The following BAZ2A variants were observed in gnomAD, a reference collection of about 807,000 sequenced individuals.
BAZ2A encodes the protein bromodomain adjacent to zinc finger domain 2A.
Under a neutral mutation model 199.9 loss-of-function variants are expected in BAZ2A, and 34 were observed. The ratio of observed to expected loss-of-function variants is 0.17; its 90% confidence interval spans 0.13 to 0.23. The LOEUF is 0.23. Ranked by LOEUF, BAZ2A falls within the 10% of genes least tolerant of loss-of-function variation. BAZ2A has a pLI of 1.00. For missense variants in BAZ2A, 2,002 were observed against 2,391.1 expected (o/e 0.84, Z 3.39); for synonymous variants, 857 against 883.9 (o/e 0.97, Z 0.54).
At chr12:56,630,668 A>G, upstream of BAZ2A, 1 of 701,104 alleles carries the variant, frequency 1.4e-6, no homozygotes, top group Non-Finnish European at 1.8e-6. Context: ...TTTCGGGGGC[A>G]GTTATTTCCC....
Position 56,596,002 on chromosome 12 carries a change from A to C in BAZ2A, c.*2616T>G, listed in dbSNP as rs1159382005. ...TCTACAGCTGCACTTGTGGAACATC[A>C]CATGGCAAAAACAGGAGTTTTTTCG... On this transcript the variant is annotated 3_prime_UTR_variant, in exon 29 of 29. Coordinates refer to ENST00000549884, the MANE Select transcript of BAZ2A (RefSeq NM_001300905.2). 4.6e-5 allele frequency: 7 copies of C among 152,708 alleles called. No individual in the cohort carries two copies. The highest frequency in any genetic ancestry group is 1.0e-4 in the Non-Finnish European group (7 of 68,056). The allele number at this position is 152,708 out of a possible 1,614,324, so 9.5% of individuals were successfully genotyped here.
At chr12:56,609,387 C>A (rs1369625637) in intron 10 of BAZ2A, among the ~76,000 whole-genome samples, 1 of 152,080 alleles carries the variant, frequency 6.6e-6, no homozygotes, top group Non-Finnish European at 1.5e-5. Context: ...TCTGAACCTC[C>A]ATGATAGTAG....
intron 1 of BAZ2A, among the ~76,000 whole-genome samples, chr12:56,626,211 G>A (rs531970147): frequency 6.6e-6 from 1 of 152,158 alleles, no homozygotes; most frequent in South Asian, 2.1e-4. Flanking sequence ...TATATATAAG[G>A]CATATGAGGA....
At chr12:56,625,817 A>C (rs1259452183) in intron 1 of BAZ2A, among the ~76,000 whole-genome samples, 1 of 140,984 alleles carries the variant, frequency 7.1e-6, no homozygotes, top group Non-Finnish European at 1.5e-5. Flanking sequence ...CGGAGCTTGC[A>C]GTGAGTCGAG....
At chr12:56,625,648 C>T (rs1257878209) in intron 1 of BAZ2A, among the ~76,000 whole-genome samples, 1 of 151,642 alleles carries the variant, frequency 6.6e-6, no homozygotes, top group Non-Finnish European at 1.5e-5. Flanking sequence ...GAGGCCGAGA[C>T]GGGCGGATCA....
intron 11 of BAZ2A, 55 bp downstream of exon 11, chr12:56,606,578 G>A (rs951456203): frequency 3.3e-5 from 49 of 1,500,340 alleles, no homozygotes; most frequent in Admixed American, 1.0e-4. Flanking sequence ...AATAAAAGAT[G>A]AAGTAAGTTG....
chr12:56,610,910 A>G (rs7307578), intron 7 of BAZ2A, among the ~76,000 whole-genome samples: 10,475 of 152,170 alleles, frequency 0.069, 922 homozygotes, highest in African/African-American at 0.2. Flanking sequence ...AGAAAAATAA[A>G]TTTGCTGCTG....
Position 56,615,005 on chromosome 12 carries a change from C to A in BAZ2A, c.730+9G>T. 6.2e-7 allele frequency: 1 copy of A among 1,607,502 alleles called. No individual in the cohort carries two copies. Among genetic ancestry groups the A allele is most frequent in the South Asian group, 1.1e-5 (1 of 89,574 alleles). ...CCTTTCCCCACCCAGTTCACCAACC[C>A]AGTTATACCTGGCTGCTCTTCTTCC... On this transcript the variant is annotated intron_variant, in intron 3 of 28. Coordinates refer to ENST00000549884, the MANE Select transcript of BAZ2A (RefSeq NM_001300905.2).
At chr12:56,637,692 C>T (rs147566446), upstream of BAZ2A, among the ~76,000 whole-genome samples, 16 of 151,524 alleles carry the variant, frequency 1.1e-4, no homozygotes, top group East Asian at 1.6e-3. Flanking sequence ...ATTTCTAAAA[C>T]GAGTTTTTCC....
chr12:56,609,596 C>T (rs944603368), intron 10 of BAZ2A, 140 bp downstream of exon 10: 6 of 997,632 alleles, frequency 6.0e-6, no homozygotes, highest in Admixed American at 2.4e-5. Context: ...ATGCTGGATT[C>T]CAAGGAGAAG....
intron 3 of BAZ2A, 40 bp downstream of exon 3, chr12:56,614,974 A>T: frequency 6.4e-7 from 1 of 1,561,296 alleles, no homozygotes; most frequent in South Asian, 1.2e-5. Context: ...CCCGAGCTCC[A>T]TTTTTCCTTT....
In BAZ2A at chr12:56,615,482, C is replaced by A. The variant is rs750317652; in HGVS notation, c.262G>T (p.Asp88Tyr). 1 of 1,613,102 alleles carries A rather than the reference C, an allele frequency of 6.2e-7. No individual in the cohort carries two copies. The highest frequency in any genetic ancestry group is 1.1e-5 in the South Asian group (1 of 91,054). The change falls in exon 3 of 29, where the codon GAC becomes TAC. Residue 88 changes from aspartate (D) to tyrosine (Y), a missense_variant. Coordinates refer to ENST00000549884, the MANE Select transcript of BAZ2A (RefSeq NM_001300905.2). ...SHLHHPSVAY[D>Y]CLWNYSQYPS... ...TACTGTGAGTAGTTCCAGAGACAGTCGTAGGCCACGCTGGGGTGATGGAGG... is the reference window on the plus strand; with the variant it reads ...TACTGTGAGTAGTTCCAGAGACAGTAGTAGGCCACGCTGGGGTGATGGAGG...
Position 56,598,524 on chromosome 12 carries a change from CTGGA to C in BAZ2A, c.*90_*93del. The C allele has an allele frequency of 6.8e-7, 1 of 1,470,596 alleles. No individual in the cohort carries two copies. The highest frequency in any genetic ancestry group is 9.1e-7 in the Non-Finnish European group (1 of 1,098,664). 91.1% of individuals were successfully genotyped at this position (1,470,596 alleles called of 1,614,324 possible). ...AATCAGGGTTGTATCTGACTTGAGT[CTGGA>C]CCCAGGGCAGCATCAGCAGGTGAAA... On this transcript the variant is annotated 3_prime_UTR_variant, in exon 29 of 29. Coordinates refer to ENST00000549884, the MANE Select transcript of BAZ2A (RefSeq NM_001300905.2).
At position 56,609,868 on chromosome 12, in the gene BAZ2A, G is replaced by A. The variant is rs540319192; in HGVS notation, c.1960C>T (p.Arg654Ter). Residue 654 changes from arginine (R) to a stop codon, truncating the protein, a stop_gained, in exon 10 of 29, where the codon CGA becomes TGA. Transcript: ENST00000549884. LOFTEE classifies it high-confidence loss of function. ...QAITGKRGRP[R>*]NTEKAKTKEV... ...TTAGTCTTAGCCTTCTCAGTGTTTC[G>A]AGGTCGACCCCGTTTGCCAGTAATT... 1 of 1,613,482 alleles carries A rather than the reference G, an allele frequency of 6.2e-7. No homozygotes were observed. The highest frequency in any genetic ancestry group is 1.3e-5 in the African/African-American group (1 of 74,964).
upstream of BAZ2A, chr12:56,630,827 G>A (rs1407849564): frequency 4.1e-6 from 4 of 985,544 alleles, no homozygotes; most frequent in Non-Finnish European, 4.8e-6. Flanking sequence ...CTTTCCTGGC[G>A]ACATCTGCAG....
rs1592537310 is a variant in BAZ2A at position 56,595,869 on chromosome 12, C to T, written c.*2749G>A. 2 of 138,322 alleles carry T rather than the reference C, an allele frequency of 1.4e-5. No homozygotes were observed. The highest frequency in any genetic ancestry group is 4.4e-4 in the South Asian group (2 of 4,556). The allele number at this position is 138,322 out of a possible 1,614,324, so 8.6% of individuals were successfully genotyped here. A position where few individuals can be genotyped will look rare whatever the true frequency, so the allele number is the denominator to read the frequency against. On this transcript the variant is annotated 3_prime_UTR_variant, in exon 29 of 29. Transcript: ENST00000549884. ...GGTCTCTTAAGCCAGTCATACCTATCCCAACGCCGTCTCCCCCTCAGGTGT... is the reference window on the plus strand; with the variant it reads ...GGTCTCTTAAGCCAGTCATACCTATTCCAACGCCGTCTCCCCCTCAGGTGT...
chr12:56,604,154 G>A, intron 16 of BAZ2A, 63 bp downstream of exon 16: 7 of 1,476,054 alleles, frequency 4.7e-6, no homozygotes, highest in South Asian at 1.2e-5. Context: ...CCAAAACCCT[G>A]GCTATGCTTC....
At chr12:56,608,867 CTTTT>C (rs67765071) in intron 10 of BAZ2A, among the ~76,000 whole-genome samples, 91 of 69,890 alleles carry the variant, frequency 1.3e-3, no homozygotes, top group African/African-American at 6.0e-3. Context: ...CCGTGCCTGG[CTTTT>C]TTTTTTTTTT....
intron 1 of BAZ2A, among the ~76,000 whole-genome samples, chr12:56,621,989 C>T (rs1291419480): frequency 1.3e-5 from 2 of 151,866 alleles, no homozygotes; most frequent in Non-Finnish European, 2.9e-5. Context: ...CTTACCAGGA[C>T]TACATTAGCT....
Sources: allele counts gnomAD v4.1 joint callset (sites outside exome capture counted in the v4.1 genomes callset), GRCh38; gene constraint gnomAD v4.1.1; transcripts MANE v1.5; gene names NCBI Gene and HGNC (gene_info 2026-07-23, HGNC 2026-07-21).